ASPH: variants seen among roughly 807,000 people sequenced by gnomAD.
ASPH encodes the protein aspartyl/asparaginyl beta-hydroxylase.
In ASPH, 100 loss-of-function variants were observed where a neutral mutation model predicts 118.4. That is an observed-to-expected ratio of 0.84 (90% CI 0.72 to 1.00). ASPH has a LOEUF of 1.00. ASPH is among the 50% of genes least tolerant of loss of function. The pLI is 0.00. For missense variants in ASPH, 920 were observed against 919.5 expected (o/e 1.00, Z -0.01); for synonymous variants, 315 against 325.6 (o/e 0.97, Z 0.35).
chr8:61,580,634 G>A lies in ASPH; in HGVS notation c.1062+3310C>T, dbSNP rs542487522. Among the ~76,000 whole-genome samples, 113 of 152,284 alleles carry A rather than the reference G, an allele frequency of 7.4e-4. 1 individual carries two copies. Among genetic ancestry groups the A allele is most frequent in the African/African-American group, 2.6e-3 (107 of 41,558 alleles). ...GCTGTGCTCTATCCAGAGGTTTTAC[G>A]GGAATATTTGTCCTTGTCTATTCCC... On this transcript the variant is annotated intron_variant, in intron 15 of 24. Coordinates refer to ENST00000379454, the MANE Select transcript of ASPH (RefSeq NM_004318.4).
intron 3 of ASPH, among the ~76,000 whole-genome samples, chr8:61,672,281 C>G (rs1822960502): frequency 6.6e-6 from 1 of 152,006 alleles, no homozygotes; most frequent in African/African-American, 2.4e-5. Flanking sequence ...CACCAACCCT[C>G]TACAGTAAGT....
chr8:61,680,750 G>A (rs371890761), intron 3 of ASPH: 25 of 356,506 alleles, frequency 7.0e-5, no homozygotes, highest in African/African-American at 5.1e-4. Flanking sequence ...AAAGATATAT[G>A]TGTAAGAGAT....
At position 61,501,035 on chromosome 8, in the gene ASPH, G is replaced by A. The variant is rs1305087937; in HGVS notation, c.*2324C>T. 1 of 151,950 alleles carries A rather than the reference G, an allele frequency of 6.6e-6. No homozygotes were observed. Among genetic ancestry groups the A allele is most frequent in the Non-Finnish European group, 1.5e-5 (1 of 67,984 alleles). The allele number at this position is 151,950 out of a possible 1,614,324, so 9.4% of individuals were successfully genotyped here. On this transcript the variant is annotated 3_prime_UTR_variant, in exon 25 of 25. Coordinates refer to ENST00000379454, the MANE Select transcript of ASPH (RefSeq NM_004318.4). ...GTAATTTTTATATTATACACTTGGA[G>A]AAATAAAGTTGAAACAGAATTAAAA...
At chr8:61,639,559 G>T (rs1804087964) in intron 10 of ASPH, among the ~76,000 whole-genome samples, 1 of 151,842 alleles carries the variant, frequency 6.6e-6, no homozygotes. Context: ...CTTTTTCTTA[G>T]CCGTCCTTAA....
At chr8:61,654,165 C>T (rs1033427952) in intron 3 of ASPH, among the ~76,000 whole-genome samples, 7 of 152,078 alleles carry the variant, frequency 4.6e-5, no homozygotes, top group African/African-American at 1.7e-4. Flanking sequence ...AAGGAAACCC[C>T]TACAAGTAAT....
At chr8:61,654,608 C>T (rs922540825) in intron 3 of ASPH, among the ~76,000 whole-genome samples, 5 of 152,156 alleles carry the variant, frequency 3.3e-5, no homozygotes, top group African/African-American at 1.2e-4. Flanking sequence ...CGATGTATTA[C>T]TCTTCTTTTT....
At chr8:61,681,390 G>A (rs1003757938) in intron 2 of ASPH, among the ~76,000 whole-genome samples, 11 of 151,680 alleles carry the variant, frequency 7.3e-5, no homozygotes, top group African/African-American at 2.4e-4. Flanking sequence ...TAATATTGAT[G>A]CATTCCTAAG....
intron 12 of ASPH, among the ~76,000 whole-genome samples, chr8:61,635,806 A>G (rs756017625): frequency 6.6e-6 from 1 of 152,132 alleles, no homozygotes; most frequent in African/African-American, 2.4e-5. Context: ...ATCTTATTTC[A>G]GGCTACCACA....
At chr8:61,518,990 C>T (rs368446121) in intron 22 of ASPH, among the ~76,000 whole-genome samples, 97 of 152,134 alleles carry the variant, frequency 6.4e-4, no homozygotes, top group African/African-American at 2.0e-3. Flanking sequence ...CACATGGAGA[C>T]GACAGTATCA....
At chr8:61,649,101 G>C (rs1455761375) in intron 5 of ASPH, among the ~76,000 whole-genome samples, 1 of 152,158 alleles carries the variant, frequency 6.6e-6, no homozygotes, top group Non-Finnish European at 1.5e-5. Context: ...AGAGGAGCAA[G>C]TATGGAAACA....
At chr8:61,541,034 C>A (rs964802572) in intron 21 of ASPH, among the ~76,000 whole-genome samples, 28 of 151,936 alleles carry the variant, frequency 1.8e-4, no homozygotes, top group African/African-American at 6.8e-4. Flanking sequence ...CCGAGGTGGG[C>A]GGATCACGAG....
At chr8:61,623,954 T>C (rs1216404557) in intron 13 of ASPH, 1 of 152,418 alleles carries the variant, frequency 6.6e-6, no homozygotes, top group East Asian at 1.9e-4. Context: ...AATTTGTGGG[T>C]GCTAAAAATT....
intron 1 of ASPH, chr8:61,689,523 T>C: frequency 3.0e-6 from 2 of 670,790 alleles, no homozygotes; most frequent in South Asian, 2.4e-5. Flanking sequence ...CTATGAAAAG[T>C]CAGTATCTCC....
At chr8:61,563,676 T>C (rs77018489) in intron 17 of ASPH, among the ~76,000 whole-genome samples, 3,752 of 152,308 alleles carry the variant, frequency 0.025, 111 homozygotes, top group African/African-American at 0.067. Flanking sequence ...CGACGGCCTA[T>C]GCCCCATTAC....
chr8:61,549,758 T>G (rs963873525), intron 20 of ASPH, among the ~76,000 whole-genome samples: 1 of 152,210 alleles, frequency 6.6e-6, no homozygotes, highest in Non-Finnish European at 1.5e-5. Context: ...AACAGATTGT[T>G]TTTTCAAAAA....
At chr8:61,622,063 G>A (rs112282020) in intron 13 of ASPH, among the ~76,000 whole-genome samples, 5 of 152,204 alleles carry the variant, frequency 3.3e-5, no homozygotes, top group African/African-American at 1.2e-4. Context: ...TACTCAGCCA[G>A]GCACAGTGGC....
At chr8:61,643,856 T>G in intron 8 of ASPH, 89 bp downstream of exon 8, 1 of 978,790 alleles carries the variant, frequency 1.0e-6, no homozygotes, top group South Asian at 1.4e-5. Context: ...ATCTCTGTGT[T>G]GAATCACAAT....
chr8:61,520,425 C>T (rs1812509810), intron 22 of ASPH, among the ~76,000 whole-genome samples: 1 of 152,182 alleles, frequency 6.6e-6, no homozygotes. Context: ...AAGATAATCA[C>T]ATACTGAGAA....
intron 3 of ASPH, chr8:61,659,117 C>T (rs111553329): frequency 0.021 from 3,225 of 152,346 alleles, 50 homozygotes; most frequent in South Asian, 0.044. Context: ...TTCAGGAGCA[C>T]GTTCTAGGCA....
Sources: gnomAD v4.1 joint callset for allele counts (sites outside exome capture counted in the v4.1 genomes callset) on GRCh38, gnomAD v4.1.1 for gene constraint, MANE v1.5 for transcripts, NCBI Gene and HGNC (gene_info 2026-07-23, HGNC 2026-07-21) for gene names.